EXOC6B: variants seen among roughly 807,000 people sequenced by gnomAD.
EXOC6B encodes the protein exocyst complex component 6B, also known as SEC15 homolog B.
Under a neutral mutation model 113.5 loss-of-function variants are expected in EXOC6B, and 54 were observed. The observed-to-expected ratio is 0.48, with a 90% confidence interval of 0.38 to 0.60. EXOC6B has a LOEUF of 0.60. Ranked by LOEUF, EXOC6B falls within the 20% of genes least tolerant of loss-of-function variation. The pLI, the probability that EXOC6B is intolerant of heterozygous loss-of-function variation, is 0.00. For synonymous variants in EXOC6B, 357 were observed against 339.0 expected, an observed-to-expected ratio of 1.05 and a Z score of -0.58; for missense variants, 797 against 977.5, an observed-to-expected ratio of 0.82 and a Z score of 2.46.
rs377092982 is a variant in EXOC6B at position 72,712,150 on chromosome 2, G to T, written c.669+5953C>A. 3.7e-4 allele frequency among the ~76,000 whole-genome samples: 57 copies of T among 152,264 alleles called. 1 individual carries two copies. The East Asian group carries it at 0.01, about 28-fold the overall frequency. ...CAGAAGACTGAGAGACTTCTAGCTA[G>T]ACACCATTTTAAACAAGACTATACA... On this transcript the variant is annotated intron_variant, in intron 6 of 21. Coordinates refer to ENST00000272427, the MANE Select transcript of EXOC6B (RefSeq NM_015189.3).
At position 72,675,323 on chromosome 2, in the gene EXOC6B, AG is replaced by A. The variant is rs550981476; in HGVS notation, c.669+42779del. On this transcript the variant is annotated intron_variant, in intron 6 of 21. Coordinates refer to ENST00000272427, the MANE Select transcript of EXOC6B (RefSeq NM_015189.3). ...CATTTAAACATTCTATTAGTCTGAT[AG>A]CATTAAACAGAATCTTCTGAACAAC... 9.2e-5 allele frequency among the ~76,000 whole-genome samples: 14 copies of A among 152,380 alleles called. No homozygotes were observed. The South Asian group carries it at 2.9e-3, about 32-fold the overall frequency.
At chr2:72,769,595 T>C (rs1048517937) in intron 1 of EXOC6B, among the ~76,000 whole-genome samples, 3 of 152,194 alleles carry the variant, frequency 2.0e-5, no homozygotes, top group Non-Finnish European at 4.4e-5. Context: ...GCAGATCACC[T>C]GAGGTCAGGA....
chr2:72,471,334 T>G (rs968962937), intron 17 of EXOC6B, among the ~76,000 whole-genome samples: 3 of 152,288 alleles, frequency 2.0e-5, no homozygotes, highest in Admixed American at 6.5e-5. Context: ...TGTAAATTTG[T>G]TTGAGTTTAT....
chr2:72,545,731 C>T (rs769414888), intron 8 of EXOC6B, among the ~76,000 whole-genome samples: 16 of 152,082 alleles, frequency 1.1e-4, no homozygotes, highest in Non-Finnish European at 1.5e-4. Flanking sequence ...AACAACAACC[C>T]TTCAAATACT....
At chr2:72,780,957 G>A (rs1198577107) in intron 1 of EXOC6B, among the ~76,000 whole-genome samples, 1 of 151,906 alleles carries the variant, frequency 6.6e-6, no homozygotes, top group Non-Finnish European at 1.5e-5. Flanking sequence ...GGTTTTCAGG[G>A]GTTTTTATTT....
chr2:72,489,816 G>T (rs1434598683), intron 16 of EXOC6B, among the ~76,000 whole-genome samples: 1 of 152,122 alleles, frequency 6.6e-6, no homozygotes, highest in African/African-American at 2.4e-5. Context: ...ATGTTCTAGT[G>T]GTGCTAAAAC....
At chr2:72,519,555 T>C (rs1701383784) in intron 8 of EXOC6B, among the ~76,000 whole-genome samples, 1 of 152,182 alleles carries the variant, frequency 6.6e-6, no homozygotes, top group Admixed American at 6.6e-5. Context: ...GAAACACTCA[T>C]AAATCAAGGT....
chr2:72,781,686 A>G (rs1205965631), intron 1 of EXOC6B, among the ~76,000 whole-genome samples: 2 of 152,112 alleles, frequency 1.3e-5, no homozygotes, highest in South Asian at 4.1e-4. Context: ...ACAGAGGAAA[A>G]GCACAGTGAG....
intron 1 of EXOC6B, among the ~76,000 whole-genome samples, chr2:72,763,888 C>A (rs1181945606): frequency 6.6e-6 from 1 of 151,752 alleles, no homozygotes; most frequent in Non-Finnish European, 1.5e-5. Flanking sequence ...TGAGACCAAC[C>A]TGGGCAACAT....
At chr2:72,586,478 C>T (rs572405339) in intron 6 of EXOC6B, among the ~76,000 whole-genome samples, 2 of 152,062 alleles carry the variant, frequency 1.3e-5, no homozygotes, top group African/African-American at 2.4e-5. Flanking sequence ...CTTGGCCAGG[C>T]GCGGTGGCTC....
In EXOC6B at chr2:72,561,793, T is replaced by C. The variant is rs150866664; in HGVS notation, c.847-2272A>G. ...CGAATATTTACAACCAAATCTATTC[T>C]CTCTGAGGCTGTTGTGACATCATTC... On this transcript the variant is annotated intron_variant, in intron 7 of 21. Transcript: ENST00000272427. Among the ~76,000 whole-genome samples, 755 of 152,294 alleles carry C rather than the reference T, an allele frequency of 5.0e-3. 11 individuals carry two copies. The highest frequency in any genetic ancestry group is 0.017 in the African/African-American group (698 of 41,580).
chr2:72,256,849 A>T (rs1245545440), intron 20 of EXOC6B, among the ~76,000 whole-genome samples: 1 of 152,202 alleles, frequency 6.6e-6, no homozygotes, highest in African/African-American at 2.4e-5. Flanking sequence ...GATTAGAGAC[A>T]TATTATCATA....
chr2:72,764,739 T>A (rs1682960561), intron 1 of EXOC6B, among the ~76,000 whole-genome samples: 1 of 152,222 alleles, frequency 6.6e-6, no homozygotes, highest in African/African-American at 2.4e-5. Flanking sequence ...ATAGAGTTGA[T>A]AAACACATAT....
chr2:72,419,430 T>C (rs1307677122), intron 18 of EXOC6B, among the ~76,000 whole-genome samples: 1 of 152,238 alleles, frequency 6.6e-6, no homozygotes, highest in Admixed American at 6.5e-5. Context: ...AGTTACAGTC[T>C]AGTGTCCTTT....
chr2:72,489,219 ATTGAC>A (rs1427798320), intron 16 of EXOC6B, among the ~76,000 whole-genome samples: 3 of 152,226 alleles, frequency 2.0e-5, no homozygotes, highest in African/African-American at 7.2e-5. Context: ...ATACTACAAA[ATTGAC>A]TTAATTATTT....
rs529609033 is a variant in EXOC6B at position 72,588,963 on chromosome 2, A to C, written c.670-13295T>G. On this transcript the variant is annotated intron_variant, in intron 6 of 21. Coordinates refer to ENST00000272427, the MANE Select transcript of EXOC6B (RefSeq NM_015189.3). ...ATACGCACTCACACCAACATGGGTT[A>C]ATTGCACTTACTTGATAGATTTCTT... 1.2e-4 allele frequency among the ~76,000 whole-genome samples: 18 copies of C among 152,148 alleles called. No individual in the cohort carries two copies. The East Asian group carries it at 3.5e-3, about 29-fold the overall frequency.
chr2:72,493,367 G>A (rs868788733), intron 15 of EXOC6B, among the ~76,000 whole-genome samples: 1 of 133,790 alleles, frequency 7.5e-6, no homozygotes, highest in Non-Finnish European at 1.5e-5. Flanking sequence ...ATTCTTTCCA[G>A]TCTTCTATAC....
intron 20 of EXOC6B, among the ~76,000 whole-genome samples, chr2:72,256,239 A>G (rs548757733): frequency 2.1e-4 from 32 of 152,274 alleles, no homozygotes; most frequent in African/African-American, 7.5e-4. Flanking sequence ...AGCCTTTCTG[A>G]TATCTTGACT....
chr2:72,267,604 G>GC (rs1252862337), intron 20 of EXOC6B, among the ~76,000 whole-genome samples: 4 of 152,166 alleles, frequency 2.6e-5, no homozygotes, highest in Non-Finnish European at 5.9e-5. Flanking sequence ...CAGGGATGAA[G>GC]CCCACTTGAT....
Sources: gnomAD v4.1 joint callset for allele counts (sites outside exome capture counted in the v4.1 genomes callset) on GRCh38, gnomAD v4.1.1 for gene constraint, MANE v1.5 for transcripts, NCBI Gene and HGNC (gene_info 2026-07-23, HGNC 2026-07-21) for gene names.